Variants in NIBAN1 observed in about 807,000 individuals in gnomAD.
The protein encoded by NIBAN1 is protein Niban 1.
In NIBAN1, 81 loss-of-function variants were observed where a neutral mutation model predicts 75.1. The ratio of observed to expected loss-of-function variants is 1.08; its 90% confidence interval spans 0.90 to 1.30. The LOEUF is 1.30. Among genes scored for constraint, NIBAN1 ranks in the 50% most tolerant of loss-of-function variants. The probability of loss-of-function intolerance (pLI) is 0.00; values close to 1 mark genes in which losing one functional copy is unlikely to be tolerated. For synonymous variants in NIBAN1, 436 were observed against 424.8 expected (o/e 1.03, Z -0.32); for missense variants, 1,133 against 1,128.1 (o/e 1.00, Z -0.06).
At chr1:184,891,428 TAAG>T (rs1276581372) in intron 3 of NIBAN1, among the ~76,000 whole-genome samples, 2 of 152,178 alleles carry the variant, frequency 1.3e-5, no homozygotes, top group African/African-American at 2.4e-5. Context: ...TGTATGATAT[TAAG>T]AAGATTTACA....
intron 9 of NIBAN1, among the ~76,000 whole-genome samples, chr1:184,813,240 A>T (rs569534753): frequency 1.3e-5 from 2 of 152,320 alleles, no homozygotes; most frequent in South Asian, 4.1e-4. Context: ...TGTTGTGTGT[A>T]ATGTTTATAT....
intron 13 of NIBAN1, 42 bp from the exon 14 acceptor site, chr1:184,796,139 T>C: frequency 2.0e-6 from 3 of 1,486,774 alleles, no homozygotes; most frequent in East Asian, 2.3e-5. Flanking sequence ...TCTGATTTTA[T>C]TGAGAAGCCA....
At chr1:184,929,533 CT>C (rs146841654) in intron 1 of NIBAN1, among the ~76,000 whole-genome samples, 11 of 151,162 alleles carry the variant, frequency 7.3e-5, no homozygotes, top group East Asian at 3.9e-4. Flanking sequence ...GTCTATGCCA[CT>C]TTTTTTTTAT....
chr1:184,940,528 C>G (rs548546656), intron 1 of NIBAN1, among the ~76,000 whole-genome samples: 1 of 152,074 alleles, frequency 6.6e-6, no homozygotes, highest in African/African-American at 2.4e-5. Context: ...GTTTTAAATA[C>G]TTTTGTGATG....
chr1:184,798,650 G>A (rs1653944115), intron 12 of NIBAN1, among the ~76,000 whole-genome samples: 1 of 151,828 alleles, frequency 6.6e-6, no homozygotes, highest in Admixed American at 6.6e-5. Flanking sequence ...GTTATATATA[G>A]TAAAATGTAC....
intron 8 of NIBAN1, among the ~76,000 whole-genome samples, chr1:184,821,120 C>A (rs1191896072): frequency 6.6e-6 from 1 of 152,178 alleles, no homozygotes; most frequent in African/African-American, 2.4e-5. Context: ...TTTGTATCCT[C>A]CTCTCCTTGT....
At chr1:184,962,049 T>C (rs1356362918) in intron 1 of NIBAN1, among the ~76,000 whole-genome samples, 1 of 152,186 alleles carries the variant, frequency 6.6e-6, no homozygotes, top group South Asian at 2.1e-4. Flanking sequence ...AGGAATCTAC[T>C]GGGATGAGCT....
In NIBAN1 at chr1:184,795,130, C is replaced by T. The variant is rs766525564; in HGVS notation, c.2634G>A (p.Val878=). The T allele has an allele frequency of 3.7e-6, 6 of 1,614,186 alleles. No individual in the cohort carries two copies. In the Admixed American group the frequency reaches 1.0e-4, roughly 27 times the overall value. The part of the protein sequence containing the change: ...QSSAAQATAS[V]NAEEIKVARI... Reference sequence around the variant, plus strand: ...GGGCTACCTTGATCTCCTCTGCATTCACACTGGCCGTGGCCTGGGCCGCGC... The same window carrying T: ...GGGCTACCTTGATCTCCTCTGCATTTACACTGGCCGTGGCCTGGGCCGCGC... The change falls in exon 14 of 14, where the codon GTG becomes GTA. Residue 878 remains valine (V), a synonymous_variant. Transcript: ENST00000367511.
intron 1 of NIBAN1, among the ~76,000 whole-genome samples, chr1:184,969,999 C>G (rs1277885757): frequency 6.6e-6 from 1 of 151,528 alleles, no homozygotes; most frequent in African/African-American, 2.4e-5. Context: ...AACCCCGTCT[C>G]TACAAAAAAA....
At chr1:184,902,186 T>C (rs1164015871) in intron 1 of NIBAN1, among the ~76,000 whole-genome samples, 2 of 151,964 alleles carry the variant, frequency 1.3e-5, no homozygotes, top group East Asian at 3.9e-4. Context: ...TGAGCTATGA[T>C]TGCACCACTG....
chr1:184,837,833 CG>C (rs1332354038), intron 5 of NIBAN1, among the ~76,000 whole-genome samples: 1 of 152,014 alleles, frequency 6.6e-6, no homozygotes, highest in East Asian at 1.9e-4. Context: ...TATGGTAACC[CG>C]AGAAAAAAAC....
intron 7 of NIBAN1, 116 bp downstream of exon 7, chr1:184,823,522 G>T (rs1654760330): frequency 7.8e-6 from 10 of 1,279,022 alleles, no homozygotes; most frequent in Non-Finnish European, 7.7e-6. Context: ...TTCGAAGTAG[G>T]CATTTCTACA....
chr1:184,885,051 A>T (rs566282084), intron 4 of NIBAN1, among the ~76,000 whole-genome samples: 1 of 151,788 alleles, frequency 6.6e-6, no homozygotes, highest in Non-Finnish European at 1.5e-5. Flanking sequence ...CAGGAACACA[A>T]TTTTTTCTCT....
chr1:184,897,209 A>C (rs548239012), intron 2 of NIBAN1, among the ~76,000 whole-genome samples: 119 of 151,158 alleles, frequency 7.9e-4, no homozygotes, highest in African/African-American at 2.9e-3. Flanking sequence ...TGTTGCCTAC[A>C]ATTTCTTTCA....
intron 1 of NIBAN1, among the ~76,000 whole-genome samples, chr1:184,909,297 T>C (rs944840454): frequency 6.6e-6 from 1 of 152,326 alleles, no homozygotes; most frequent in Non-Finnish European, 1.5e-5. Context: ...TCTCTTATTT[T>C]CCTATGTTTT....
intron 5 of NIBAN1, among the ~76,000 whole-genome samples, chr1:184,843,945 G>C (rs1353867610): frequency 6.6e-6 from 1 of 152,172 alleles, no homozygotes; most frequent in Non-Finnish European, 1.5e-5. Flanking sequence ...GACGTTGTGG[G>C]CATCTGTGTG....
chr1:184,824,329 T>C (rs1654787528), intron 6 of NIBAN1, among the ~76,000 whole-genome samples: 1 of 151,878 alleles, frequency 6.6e-6, no homozygotes, highest in Non-Finnish European at 1.5e-5. Context: ...AGAGCCCAGG[T>C]ACCACTGCAT....
At chr1:184,889,990 T>G (rs1470433590) in intron 4 of NIBAN1, 118 bp downstream of exon 4, 1 of 772,196 alleles carries the variant, frequency 1.3e-6, no homozygotes, top group Non-Finnish European at 2.1e-6. Context: ...CAAAAATGTC[T>G]CCAGATGCTG....
At chr1:184,907,683 T>G (rs912043990) in intron 1 of NIBAN1, among the ~76,000 whole-genome samples, 6 of 152,206 alleles carry the variant, frequency 3.9e-5, no homozygotes, top group African/African-American at 1.4e-4. Context: ...AAGGACTCTC[T>G]TTTTCTTCTG....
Sources: allele counts gnomAD v4.1 joint callset (sites outside exome capture counted in the v4.1 genomes callset), GRCh38; gene constraint gnomAD v4.1.1; transcripts MANE v1.5; gene names NCBI Gene and HGNC (gene_info 2026-07-23, HGNC 2026-07-21).